The following AKAP19 variants were observed in gnomAD, a reference collection of about 807,000 sequenced individuals.
AKAP19 encodes the protein A-kinase anchoring protein 19.
chr2:190,125,362 C>T, the AKAP19 span, among the ~76,000 whole-genome samples: 1 of 152,150 alleles, frequency 6.6e-6, no homozygotes. Context: ...CCAATTGGTT[C>T]TGTCTCAGTG....
chr2:190,169,068 A>G, the AKAP19 span, among the ~76,000 whole-genome samples: 23 of 152,330 alleles, frequency 1.5e-4, no homozygotes, highest in Non-Finnish European at 2.6e-4. Context: ...GTAATTTACA[A>G]AAGGATGAGG....
At chr2:189,971,257 G>C in the AKAP19 span, among the ~76,000 whole-genome samples, 2 of 152,134 alleles carry the variant, frequency 1.3e-5, no homozygotes, top group Non-Finnish European at 2.9e-5. Context: ...CCTTGCGATA[G>C]TTTGCTGAGA....
At chr2:190,177,294 C>A in the AKAP19 span, among the ~76,000 whole-genome samples, 12 of 152,258 alleles carry the variant, frequency 7.9e-5, no homozygotes, top group East Asian at 2.1e-3. This position sits in a 1 kb window ranked among gnomAD's most constrained non-coding sequence, Gnocchi z 4.6. Context: ...CTTTATAAAT[C>A]TTTTCTGTGA....
chr2:190,049,234 A>T, the AKAP19 span, among the ~76,000 whole-genome samples: 3 of 152,154 alleles, frequency 2.0e-5, no homozygotes, highest in African/African-American at 7.2e-5. Context: ...AGAAAAAAAA[A>T]TGAGTGAAGG....
At chr2:190,011,231 G>A in the AKAP19 span, among the ~76,000 whole-genome samples, 1 of 151,580 alleles carries the variant, frequency 6.6e-6, no homozygotes, top group Non-Finnish European at 1.5e-5. Flanking sequence ...CTAATTTTTT[G>A]TATTTCTTTA....
At chr2:190,023,200 A>G in the AKAP19 span, among the ~76,000 whole-genome samples, 2 of 152,182 alleles carry the variant, frequency 1.3e-5, no homozygotes, top group African/African-American at 4.8e-5. Context: ...AAACTGCAAA[A>G]TTATGTGTTT....
the AKAP19 span, among the ~76,000 whole-genome samples, chr2:190,055,487 TAAAA>T: frequency 6.6e-6 from 1 of 151,430 alleles, no homozygotes; most frequent in Non-Finnish European, 1.5e-5. Flanking sequence ...AATAAAAAAA[TAAAA>T]AAAAGAGAAA....
the AKAP19 span, among the ~76,000 whole-genome samples, chr2:189,952,788 G>A: frequency 7.9e-5 from 12 of 152,310 alleles, no homozygotes; most frequent in Non-Finnish European, 1.5e-4. Context: ...AACTTTGAAT[G>A]TATAGTCTGA....
chr2:189,936,582 T>C, the AKAP19 span, among the ~76,000 whole-genome samples: 2 of 152,082 alleles, frequency 1.3e-5, no homozygotes, highest in Non-Finnish European at 2.9e-5. Flanking sequence ...AGAAGCAAAA[T>C]CAAGGATATT....
chr2:190,185,117 A>G, the AKAP19 span, among the ~76,000 whole-genome samples: 1 of 152,232 alleles, frequency 6.6e-6, no homozygotes, highest in African/African-American at 2.4e-5. Flanking sequence ...TCAGTGCTCA[A>G]AATTACATAT....
the AKAP19 span, among the ~76,000 whole-genome samples, chr2:190,098,917 T>C: frequency 3.9e-5 from 6 of 152,236 alleles, no homozygotes; most frequent in African/African-American, 1.4e-4. Flanking sequence ...AAGCAGCCTC[T>C]GCTAGCTTTA....
the AKAP19 span, among the ~76,000 whole-genome samples, chr2:190,013,157 A>G: frequency 2.0e-5 from 3 of 152,138 alleles, no homozygotes; most frequent in African/African-American, 2.4e-5. Context: ...ATCTTCTTCA[A>G]TTTTTTGGAA....
At chr2:190,058,798 C>G in the AKAP19 span, among the ~76,000 whole-genome samples, 6 of 151,850 alleles carry the variant, frequency 4.0e-5, no homozygotes, top group Non-Finnish European at 7.4e-5. Flanking sequence ...GCTATGCGTA[C>G]GCAAAGACAT....
At chr2:189,988,765 T>C in the AKAP19 span, among the ~76,000 whole-genome samples, 1 of 152,224 alleles carries the variant, frequency 6.6e-6, no homozygotes, top group Non-Finnish European at 1.5e-5. Context: ...CCCTCCTTCC[T>C]TGGTACTGGC....
the AKAP19 span, among the ~76,000 whole-genome samples, chr2:189,987,898 T>C: frequency 6.6e-6 from 1 of 152,090 alleles, no homozygotes; most frequent in Admixed American, 6.5e-5. Context: ...GAAAGAGTAA[T>C]ACATGCAGAG....
chr2:190,182,716 A>G, the AKAP19 span, among the ~76,000 whole-genome samples: 21 of 152,368 alleles, frequency 1.4e-4, no homozygotes, highest in Non-Finnish European at 2.6e-4. Context: ...ATCTTCAAAT[A>G]AAATAATCTA....
chr2:190,101,729 C>G, the AKAP19 span, among the ~76,000 whole-genome samples: 1 of 151,380 alleles, frequency 6.6e-6, no homozygotes, highest in Non-Finnish European at 1.5e-5. Flanking sequence ...AAGACTTACA[C>G]AGCCACACAG....
At chr2:190,022,092 T>G in the AKAP19 span, among the ~76,000 whole-genome samples, 57 of 152,218 alleles carry the variant, frequency 3.7e-4, no homozygotes, top group South Asian at 4.1e-4. Flanking sequence ...GATCCATTAA[T>G]CTATGCATTA....
At chr2:190,126,905 C>T in the AKAP19 span, among the ~76,000 whole-genome samples, 1 of 151,960 alleles carries the variant, frequency 6.6e-6, no homozygotes, top group Non-Finnish European at 1.5e-5. Flanking sequence ...AGAAGATGTA[C>T]ACACACACTC....
Sources: allele counts gnomAD v4.1 joint callset (sites outside exome capture counted in the v4.1 genomes callset), GRCh38; gene constraint gnomAD v4.1.1; non-coding constraint Gnocchi (gnomAD v3.1); transcripts MANE v1.5; gene names NCBI Gene and HGNC (gene_info 2026-07-23, HGNC 2026-07-21).